Variants in NFE2L3 observed in about 807,000 individuals in gnomAD.
NFE2L3 encodes nuclear factor erythroid 2-related factor 3.
A neutral mutation model predicts 23.5 loss-of-function variants in NFE2L3; 18 were observed. The observed-to-expected ratio is 0.77, with a 90% CI of 0.53 to 1.13. The LOEUF (loss-of-function observed/expected upper bound fraction) is 1.13, where lower values mean the gene tolerates loss of function less well. NFE2L3 is among the 50% of genes most tolerant of loss of function. The pLI, the probability that NFE2L3 is intolerant of heterozygous loss-of-function variation, is 0.00. For synonymous variants in NFE2L3, 424 were observed against 354.5 expected (o/e 1.20, Z -2.20); for missense variants, 1,152 against 877.2 (o/e 1.31, Z -3.96).
chr7:26,180,735 C>T (rs960521123), intron 2 of NFE2L3, among the ~76,000 whole-genome samples: 2 of 151,970 alleles, frequency 1.3e-5, no homozygotes, highest in African/African-American at 4.8e-5. Context: ...ACAGACTAGG[C>T]ACTTACTAAA....
At position 26,185,914 on chromosome 7, in the gene NFE2L3, G is replaced by A. The variant is rs1368358703; in HGVS notation, c.*131G>A. The A allele has an allele frequency of 1.3e-5, 10 of 793,906 alleles. No individual in the cohort carries two copies. In the Admixed American group the frequency reaches 2.7e-4, roughly 22 times the overall value. The allele number at this position is 793,906 out of a possible 1,614,324, so 49.2% of individuals were successfully genotyped here. ...CTGCTACTTGAATAACTCAGTTAAC[G>A]CTGTTTTGAAGCTTACATGGACAAA... is the stretch of plus-strand genomic sequence containing the variant. On this transcript the variant is annotated 3_prime_UTR_variant, in exon 4 of 4. Transcript: ENST00000056233.
intron 2 of NFE2L3, among the ~76,000 whole-genome samples, chr7:26,181,772 T>G (rs1784515986): frequency 6.6e-6 from 1 of 150,820 alleles, no homozygotes; most frequent in South Asian, 2.1e-4. Context: ...AAGAACAGAC[T>G]ATCATGAAAA....
In NFE2L3 at chr7:26,152,914, C is replaced by T. The variant is rs1784020572; in HGVS notation, c.416C>T (p.Ala139Val). 1 of 1,442,508 alleles carries T rather than the reference C, an allele frequency of 6.9e-7. No individual in the cohort carries two copies. The highest frequency in any genetic ancestry group is 9.0e-7 in the Non-Finnish European group (1 of 1,109,382). 89.4% of individuals were successfully genotyped at this position (1,442,508 alleles called of 1,614,324 possible). ...GAAAASSTGG[A>V]GASVDGGSQA... ...GCCGCCGCCTCGTCCACCGGAGGAGCCGGCGCCAGCGTGGACGGCGGCAGC... is the reference window on the plus strand; with the variant it reads ...GCCGCCGCCTCGTCCACCGGAGGAGTCGGCGCCAGCGTGGACGGCGGCAGC... Residue 139 changes from alanine to valine, a missense_variant, in exon 1 of 4, where the codon GCC becomes GTC. By Grantham distance (64) the Ala-to-Val change is moderately conservative. Coordinates refer to ENST00000056233, the MANE Select transcript of NFE2L3 (RefSeq NM_004289.7). The surrounding 1 kb of genome is among the most constrained non-coding windows in gnomAD (Gnocchi z 4.4).
rs770745059 is a variant in NFE2L3, at chr7:26,178,117, A to G, written c.745A>G (p.Asn249Asp). 1 of 1,612,378 alleles carries G rather than the reference A, an allele frequency of 6.2e-7. No homozygotes were observed. The highest frequency in any genetic ancestry group is 2.2e-5 in the East Asian group (1 of 44,882). Residue 249 changes from asparagine to aspartate, a missense_variant, in exon 2 of 4, where the codon AAT becomes GAT. By Grantham distance (23) the Asn-to-Asp change is conservative (BLOSUM62 1). Transcript: ENST00000056233. ...GGCAGAAAAGACCACTGAATCTAGA[A>G]ATGAGGTAAGCCTGTCAGAATATTC... ...WEAEKTTESR[N>D]ERHLNGTDTS...
At chr7:26,156,940 G>A (rs1378911150) in intron 1 of NFE2L3, among the ~76,000 whole-genome samples, 6 of 151,982 alleles carry the variant, frequency 3.9e-5, no homozygotes, top group Admixed American at 1.3e-4. Context: ...GTGAAACCCC[G>A]TCTCTACTAA....
intron 1 of NFE2L3, among the ~76,000 whole-genome samples, chr7:26,154,289 C>T (rs747198645): frequency 4.6e-5 from 7 of 152,198 alleles, no homozygotes; most frequent in Non-Finnish European, 7.3e-5. Context: ...ATCTGGACCC[C>T]ATGGGGTCTG....
At position 26,152,483 on chromosome 7, in the gene NFE2L3, C is replaced by T. The variant is rs753968840; in HGVS notation, c.-16C>T. 4.9e-5 allele frequency: 64 copies of T among 1,296,976 alleles called. No homozygotes were observed. The highest frequency in any genetic ancestry group is 6.1e-5 in the African/African-American group (4 of 65,794). The allele number at this position is 1,296,976 out of a possible 1,614,324, so 80.3% of individuals were successfully genotyped here. Reference sequence around the variant, plus strand: ...CCGCGGGCGCCGGCAGGGGCGTTCCCGGGCGCGCGGCGGCGATGAAGCACC... The same window carrying T: ...CCGCGGGCGCCGGCAGGGGCGTTCCTGGGCGCGCGGCGGCGATGAAGCACC... On this transcript the variant is annotated 5_prime_UTR_variant, in exon 1 of 4. Coordinates refer to ENST00000056233, the MANE Select transcript of NFE2L3 (RefSeq NM_004289.7). The surrounding 1 kb of genome is among the most constrained non-coding windows in gnomAD (Gnocchi z 4.4).
rs780320807 is a variant in NFE2L3, at chr7:26,185,808, T to C, written c.*25T>C. 9 of 1,546,782 alleles carry C rather than the reference T, an allele frequency of 5.8e-6. No individual in the cohort carries two copies. The highest frequency in any genetic ancestry group is 1.4e-5 in the African/African-American group (1 of 71,548). On this transcript the variant is annotated 3_prime_UTR_variant, in exon 4 of 4. Coordinates refer to ENST00000056233, the MANE Select transcript of NFE2L3 (RefSeq NM_004289.7). ...AGAAGAAACTGAAGATGGACTCTAT[T>C]ATGTGAAGTAGTAATGTTCAGAAAC...
chr7:26,159,753 C>T (rs1474275658), intron 1 of NFE2L3, among the ~76,000 whole-genome samples: 2 of 152,110 alleles, frequency 1.3e-5, no homozygotes, highest in African/African-American at 4.8e-5. Flanking sequence ...TATAATTAAT[C>T]AAGTGGTGAA....
chr7:26,158,036 G>GT (rs933453064), intron 1 of NFE2L3, among the ~76,000 whole-genome samples: 8 of 123,934 alleles, frequency 6.5e-5, no homozygotes, highest in Non-Finnish European at 1.2e-4. Context: ...TGTTGTTGGG[G>GT]TTTTTTTGTT....
rs1243537943 is a variant in NFE2L3 at position 26,183,241 on chromosome 7, A to G, written c.751-460A>G. On this transcript the variant is annotated intron_variant, in intron 2 of 3. Transcript: ENST00000056233. ...GACTTTTAAGTATGCATGTTGAAAT[A>G]CTGAGTACCATAATCAGAGAAATAG... is the stretch of plus-strand genomic sequence containing the variant. 2.0e-5 allele frequency among the ~76,000 whole-genome samples: 3 copies of G among 152,248 alleles called. No individual in the cohort carries two copies. The South Asian group carries it at 6.2e-4, about 32-fold the overall frequency.
At chr7:26,178,542 T>C (rs746992825) in intron 2 of NFE2L3, among the ~76,000 whole-genome samples, 9 of 152,174 alleles carry the variant, frequency 5.9e-5, no homozygotes, top group Non-Finnish European at 1.2e-4. Flanking sequence ...AGCTAAGGCT[T>C]GGGCTGAAAT....
rs569349160 is a variant in NFE2L3, at chr7:26,185,339, C to T, written c.1641C>T (p.Ile547=). ...AACAGCGTGCTAAAGCTTTGCATATCCCTTTTTCTGTAGATGAAATTGTCG... is the reference window on the plus strand; with the variant it reads ...AACAGCGTGCTAAAGCTTTGCATATTCCTTTTTCTGTAGATGAAATTGTCG... ...RDEQRAKALH[I]PFSVDEIVGM... Residue 547 remains isoleucine (I), a synonymous_variant, in exon 4 of 4, where the codon ATC becomes ATT. Coordinates refer to ENST00000056233, the MANE Select transcript of NFE2L3 (RefSeq NM_004289.7). 11 of 1,614,080 alleles carry T rather than the reference C, an allele frequency of 6.8e-6. No homozygotes were observed. The highest frequency in any genetic ancestry group is 6.7e-5 in the African/African-American group (5 of 75,036).
At chr7:26,167,845 GC>G (rs1173207550) in intron 1 of NFE2L3, among the ~76,000 whole-genome samples, 2 of 152,178 alleles carry the variant, frequency 1.3e-5, no homozygotes, top group East Asian at 3.8e-4. Context: ...GAATCAAAAA[GC>G]AGTAGCAAGG....
At chr7:26,169,887 C>T (rs1385036624) in intron 1 of NFE2L3, among the ~76,000 whole-genome samples, 2 of 151,958 alleles carry the variant, frequency 1.3e-5, no homozygotes, top group African/African-American at 4.8e-5. Context: ...TGCTTGAGCC[C>T]AGAAGTTCAA....
At chr7:26,179,728 A>C (rs1285067687) in intron 2 of NFE2L3, among the ~76,000 whole-genome samples, 1 of 151,964 alleles carries the variant, frequency 6.6e-6, no homozygotes, top group Non-Finnish European at 1.5e-5. Context: ...TCCAAAACAA[A>C]ACACACTGGG....
chr7:26,153,226 A>G (rs1224181796), intron 1 of NFE2L3, among the ~76,000 whole-genome samples, 158 bp downstream of exon 1: 1 of 152,252 alleles, frequency 6.6e-6, no homozygotes, highest in African/African-American at 2.4e-5. Context: ...CTGATTCCGA[A>G]TGAAGGGCTA....
At position 26,186,065 on chromosome 7, in the gene NFE2L3, T is replaced by C. The variant is rs891782073; in HGVS notation, c.*282T>C. On this transcript the variant is annotated 3_prime_UTR_variant, in exon 4 of 4. Coordinates refer to ENST00000056233, the MANE Select transcript of NFE2L3 (RefSeq NM_004289.7). ...GGTTAACATGAAAACCCAGTAAGAC[T>C]TTCCATCTTGGCAGCCATCCTTTTT... 1.9e-5 allele frequency: 5 copies of C among 257,758 alleles called. No individual in the cohort carries two copies. Among genetic ancestry groups the C allele is most frequent in the African/African-American group, 8.9e-5 (4 of 45,070 alleles). 16.0% of individuals were successfully genotyped at this position (257,758 alleles called of 1,614,324 possible).
intron 1 of NFE2L3, among the ~76,000 whole-genome samples, chr7:26,161,475 A>G (rs1784172791): frequency 6.7e-6 from 1 of 149,614 alleles, no homozygotes; most frequent in Non-Finnish European, 1.5e-5. Flanking sequence ...CCACCCATCT[A>G]CCACCAGGCT....
Sources: gnomAD v4.1 joint callset for allele counts (sites outside exome capture counted in the v4.1 genomes callset) on GRCh38, gnomAD v4.1.1 for gene constraint, Gnocchi (gnomAD v3.1) non-coding constraint, MANE v1.5 for transcripts, NCBI Gene and HGNC (gene_info 2026-07-23, HGNC 2026-07-21) for gene names.